The following FUT9 variants were observed in gnomAD, a reference collection of about 807,000 sequenced individuals.
The protein encoded by FUT9 is fucosyltransferase 9, also known as 4-galactosyl-N-acetylglucosaminide 3-alpha-L-fucosyltransferase 9.
Under a neutral mutation model 29.7 loss-of-function variants are expected in FUT9, and 15 were observed. That is an observed-to-expected ratio of 0.51 (90% CI 0.34 to 0.78). FUT9 has a LOEUF of 0.78. FUT9 is among the 30% of genes least tolerant of loss of function. The pLI is 0.01. For synonymous variants in FUT9, 169 were observed against 153.7 expected (o/e 1.10, Z -0.74); for missense variants, 319 against 425.4 (o/e 0.75, Z 2.20).
At chr6:96,033,850 A>G (rs925189360) in intron 1 of FUT9, among the ~76,000 whole-genome samples, 16 of 151,730 alleles carry the variant, frequency 1.1e-4, no homozygotes, top group African/African-American at 3.9e-4. Flanking sequence ...TCACACACAA[A>G]TGCACATATA....
chr6:96,165,297 G>T (rs1303153167), intron 2 of FUT9, among the ~76,000 whole-genome samples: 2 of 151,846 alleles, frequency 1.3e-5, no homozygotes, highest in African/African-American at 4.8e-5. Flanking sequence ...CGGTCGTGAT[G>T]GTGGGCACCT....
intron 1 of FUT9, among the ~76,000 whole-genome samples, chr6:96,107,625 CA>C (rs1383961100): frequency 5.3e-5 from 8 of 152,124 alleles, no homozygotes; most frequent in African/African-American, 1.7e-4. Flanking sequence ...AAATCTATGT[CA>C]AACATCTATT....
At chr6:96,126,788 C>A (rs1198379123) in intron 2 of FUT9, among the ~76,000 whole-genome samples, 1 of 152,164 alleles carries the variant, frequency 6.6e-6, no homozygotes, top group African/African-American at 2.4e-5. Context: ...GAGGCAATAT[C>A]ATTTCTGTAT....
At chr6:96,087,570 T>G (rs929701601) in intron 1 of FUT9, among the ~76,000 whole-genome samples, 2 of 152,030 alleles carry the variant, frequency 1.3e-5, no homozygotes, top group Non-Finnish European at 2.9e-5. Context: ...TTTCACCATG[T>G]TGGTCAGGAT....
At chr6:96,016,520 G>T (rs971066330) in intron 1 of FUT9, among the ~76,000 whole-genome samples, 1 of 152,062 alleles carries the variant, frequency 6.6e-6, no homozygotes, top group African/African-American at 2.4e-5. Context: ...CCCCAAACAG[G>T]GTCATCTCTA....
chr6:96,102,518 TA>T (rs780529452), intron 1 of FUT9, among the ~76,000 whole-genome samples: 82 of 152,314 alleles, frequency 5.4e-4, no homozygotes, highest in South Asian at 1.0e-3. Context: ...TAAGAGGTGT[TA>T]TAAATTTTTT....
chr6:96,211,623 G>T lies in FUT9; in HGVS notation c.*7388G>T, dbSNP rs1582314473. 1 of 167,022 alleles carries T rather than the reference G, an allele frequency of 6.0e-6. No homozygotes were observed. The highest frequency in any genetic ancestry group is 2.4e-5 in the African/African-American group (1 of 41,422). 10.3% of individuals were successfully genotyped at this position (167,022 alleles called of 1,614,324 possible). A position where few individuals can be genotyped will look rare whatever the true frequency, so the allele number is the denominator to read the frequency against. On this transcript the variant is annotated 3_prime_UTR_variant, in exon 3 of 3. Coordinates refer to ENST00000302103, the MANE Select transcript of FUT9 (RefSeq NM_006581.4). ...TCAGAAATAAAATAATTGTTAGCCAGCCTGTGATTAAGGCTACCATAATTG... is the reference window on the plus strand; with the variant it reads ...TCAGAAATAAAATAATTGTTAGCCATCCTGTGATTAAGGCTACCATAATTG...
At chr6:96,148,212 A>G (rs141502142) in intron 2 of FUT9, among the ~76,000 whole-genome samples, 1 of 152,238 alleles carries the variant, frequency 6.6e-6, no homozygotes, top group African/African-American at 2.4e-5. Flanking sequence ...GTAAAAATCT[A>G]AGTTCTAGCT....
chr6:96,042,357 A>G (rs970108044), intron 1 of FUT9, among the ~76,000 whole-genome samples: 1 of 152,208 alleles, frequency 6.6e-6, no homozygotes, highest in Non-Finnish European at 1.5e-5. Flanking sequence ...TTCTTGGTGA[A>G]CAAGTAGCAG....
chr6:96,204,426 T>G lies in FUT9; in HGVS notation c.*191T>G, dbSNP rs954828366. 2.2e-5 allele frequency: 9 copies of G among 401,430 alleles called. No homozygotes were observed. The highest frequency in any genetic ancestry group is 4.1e-5 in the Non-Finnish European group (9 of 217,726). 24.9% of individuals were successfully genotyped at this position (401,430 alleles called of 1,614,324 possible). A position where few individuals can be genotyped will look rare whatever the true frequency, so the allele number is the denominator to read the frequency against. ...AGCAATCATTCCATTCGGTTTTAAA[T>G]TATCCTGTATATACCTAATTATGTG... On this transcript the variant is annotated 3_prime_UTR_variant, in exon 3 of 3. Coordinates refer to ENST00000302103, the MANE Select transcript of FUT9 (RefSeq NM_006581.4).
intron 1 of FUT9, among the ~76,000 whole-genome samples, chr6:96,103,445 AAAT>A (rs1467509087): frequency 5.7e-4 from 87 of 152,282 alleles, no homozygotes; most frequent in African/African-American, 2.0e-3. Context: ...CTGCCATAAT[AAAT>A]AACCACAAAC....
chr6:96,044,904 G>A (rs1021148915), intron 1 of FUT9, among the ~76,000 whole-genome samples: 1 of 152,086 alleles, frequency 6.6e-6, no homozygotes, highest in African/African-American at 2.4e-5. Flanking sequence ...ATTAATTACT[G>A]CTGATACATA....
At position 96,090,667 on chromosome 6, in the gene FUT9, C is replaced by T. The variant is rs1177288983; in HGVS notation, c.-97-23372C>T. On this transcript the variant is annotated intron_variant, in intron 1 of 2. Transcript: ENST00000302103. ...ATAAACAATATTAAGAATGAAAAAG[C>T]GATGCAACTATAGTCATAACAGATC... 3.3e-5 allele frequency among the ~76,000 whole-genome samples: 5 copies of T among 151,524 alleles called. No individual in the cohort carries two copies. In the South Asian group the frequency reaches 8.3e-4, roughly 25 times the overall value.
chr6:96,081,690 TTAGAG>T, intron 1 of FUT9, among the ~76,000 whole-genome samples: 1 of 151,956 alleles, frequency 6.6e-6, no homozygotes, highest in Admixed American at 6.6e-5. Context: ...AAGTACATAT[TTAGAG>T]TAGAAGAACA....
intron 1 of FUT9, among the ~76,000 whole-genome samples, chr6:96,031,865 G>C (rs1297350731): frequency 6.6e-6 from 1 of 151,400 alleles, no homozygotes; most frequent in East Asian, 1.9e-4. Flanking sequence ...AACAAAACTA[G>C]TACTTTACTT....
intron 2 of FUT9, among the ~76,000 whole-genome samples, chr6:96,201,717 A>G (rs1047514914): frequency 1.3e-5 from 2 of 151,894 alleles, no homozygotes; most frequent in African/African-American, 4.8e-5. Flanking sequence ...TTTAGCACCT[A>G]GACATATTTG....
intron 1 of FUT9, among the ~76,000 whole-genome samples, chr6:96,018,406 A>G (rs1003669688): frequency 6.6e-6 from 1 of 152,162 alleles, no homozygotes; most frequent in African/African-American, 2.4e-5. Flanking sequence ...GAGAATCCAA[A>G]TAACTAGTCT....
At chr6:96,042,910 T>C (rs552227629) in intron 1 of FUT9, among the ~76,000 whole-genome samples, 16 of 152,330 alleles carry the variant, frequency 1.1e-4, no homozygotes, top group African/African-American at 3.4e-4. Context: ...GTACTTAGCA[T>C]TTAAAAGCTT....
intron 2 of FUT9, among the ~76,000 whole-genome samples, chr6:96,189,664 C>T (rs999002612): frequency 6.6e-6 from 1 of 152,054 alleles, no homozygotes; most frequent in Non-Finnish European, 1.5e-5. Context: ...TATATAATGG[C>T]CTTCTTTGTC....
Sources: gnomAD v4.1 joint callset for allele counts (sites outside exome capture counted in the v4.1 genomes callset) on GRCh38, gnomAD v4.1.1 for gene constraint, MANE v1.5 for transcripts, NCBI Gene and HGNC (gene_info 2026-07-23, HGNC 2026-07-21) for gene names.